The following GPD2 variants were observed in gnomAD, a reference collection of about 807,000 sequenced individuals.
The protein encoded by GPD2 is glycerol-3-phosphate dehydrogenase 2, also known as glycerol-3-phosphate dehydrogenase, mitochondrial.
In GPD2, 54 loss-of-function variants were observed where a neutral mutation model predicts 82.4. The ratio of observed to expected loss-of-function variants is 0.66; its 90% CI spans 0.53 to 0.82. GPD2 has a LOEUF of 0.82. Among genes scored for constraint, GPD2 ranks in the 40% least tolerant of loss-of-function variants. The pLI, the probability that GPD2 is intolerant of heterozygous loss-of-function variation, is 0.00. For missense variants in GPD2, 748 were observed against 896.2 expected (o/e 0.83, Z 2.11); for synonymous variants, 288 against 306.1 (o/e 0.94, Z 0.62).
At chr2:156,471,548 T>C (rs1365590301) in intron 1 of GPD2, among the ~76,000 whole-genome samples, 2 of 152,210 alleles carry the variant, frequency 1.3e-5, no homozygotes, top group Non-Finnish European at 2.9e-5. Flanking sequence ...GATAACTATT[T>C]GTATGCCTAG....
chr2:156,400,768 G>T, the GPD2 span, among the ~76,000 whole-genome samples: 1 of 152,198 alleles, frequency 6.6e-6, no homozygotes, highest in South Asian at 2.1e-4. Flanking sequence ...GCTTTCGGCT[G>T]GGGGATGTAG....
chr2:156,527,971 G>A (rs955880687), intron 6 of GPD2, among the ~76,000 whole-genome samples: 2 of 152,068 alleles, frequency 1.3e-5, no homozygotes, highest in African/African-American at 4.8e-5. Context: ...AATTCCCCGT[G>A]TGCAAAGCAT....
chr2:156,414,503 T>A, the GPD2 span, among the ~76,000 whole-genome samples: 1 of 152,216 alleles, frequency 6.6e-6, no homozygotes, highest in Non-Finnish European at 1.5e-5. Context: ...TATCTAAATG[T>A]GTTTTTGTAC....
At chr2:156,504,294 C>T (rs961156755) in intron 3 of GPD2, among the ~76,000 whole-genome samples, 4 of 151,966 alleles carry the variant, frequency 2.6e-5, no homozygotes, top group Non-Finnish European at 5.9e-5. Context: ...ATAAAATGTT[C>T]AGCCTTCGGG....
intron 6 of GPD2, among the ~76,000 whole-genome samples, chr2:156,516,019 AC>A (rs1465232592): frequency 6.6e-6 from 1 of 152,230 alleles, no homozygotes; most frequent in African/African-American, 2.4e-5. Flanking sequence ...TCCATGCTCA[AC>A]AAAAGGAATG....
chr2:156,412,828 G>A, the GPD2 span, among the ~76,000 whole-genome samples: 4 of 152,300 alleles, frequency 2.6e-5, no homozygotes, highest in Admixed American at 2.6e-4. Context: ...AGCAGTGAGT[G>A]GCTCATGCTT....
chr2:156,408,998 A>G, the GPD2 span, among the ~76,000 whole-genome samples: 2 of 152,210 alleles, frequency 1.3e-5, no homozygotes, highest in African/African-American at 4.8e-5. Flanking sequence ...TGAAAGGGAA[A>G]GGTTGGACAG....
intron 13 of GPD2, 93 bp from the exon 14 acceptor site, chr2:156,578,796 C>A: frequency 1.3e-6 from 1 of 789,258 alleles, no homozygotes; most frequent in Non-Finnish European, 2.3e-6. Context: ...AAGTAAGGAT[C>A]AACTTCATTT....
intron 3 of GPD2, among the ~76,000 whole-genome samples, chr2:156,502,434 T>C (rs1558931097): frequency 6.6e-6 from 1 of 152,084 alleles, no homozygotes; most frequent in African/African-American, 2.4e-5. Context: ...TTTTGTTTTG[T>C]TTTGTTTTTG....
At chr2:156,412,204 G>A in the GPD2 span, among the ~76,000 whole-genome samples, 1 of 152,178 alleles carries the variant, frequency 6.6e-6, no homozygotes, top group Non-Finnish European at 1.5e-5. Context: ...GGGAGGCTAA[G>A]GTGGGTGGAT....
intron 6 of GPD2, among the ~76,000 whole-genome samples, chr2:156,527,062 G>A (rs1399816652): frequency 6.6e-6 from 1 of 152,116 alleles, no homozygotes; most frequent in Non-Finnish European, 1.5e-5. Context: ...AAGGAAGAAA[G>A]AGAGTAAAAA....
chr2:156,520,680 G>A (rs563597293), intron 6 of GPD2, among the ~76,000 whole-genome samples: 144 of 151,924 alleles, frequency 9.5e-4, no homozygotes, highest in African/African-American at 3.2e-3. Flanking sequence ...CACCTCCCGG[G>A]CTCAAGCCAT....
rs141946771 is a variant in GPD2, at chr2:156,568,864, G to A, written c.1205G>A (p.Arg402His). Residue 402 changes from arginine (R) to histidine (H), a missense_variant, in exon 10 of 17, where the codon CGT becomes CAT. Arg to His is a conservative substitution (Grantham distance 29, BLOSUM62 0). This residue lies in a region of GPD2 where 692 missense variants were observed against 809.7 expected (regional missense o/e 0.85). Coordinates refer to ENST00000438166, the MANE Select transcript of GPD2 (RefSeq NM_000408.5). The stretch of plus-strand genomic sequence containing the variant: ...GTCCTGGCAGCATGGAGTGGAATCC[G>A]TCCTCTTGTTACAGACCCCAAATCT... ...GDVLAAWSGI[R>H]PLVTDPKSAD... The A allele has an allele frequency of 7.2e-5, 116 of 1,612,246 alleles. No individual in the cohort carries two copies. The highest frequency in any genetic ancestry group is 9.3e-5 in the Non-Finnish European group (110 of 1,178,650).
At chr2:156,430,444 GA>G (rs1688304702), upstream of GPD2, among the ~76,000 whole-genome samples, 1 of 152,188 alleles carries the variant, frequency 6.6e-6, no homozygotes, top group Non-Finnish European at 1.5e-5. Flanking sequence ...AACACCATAT[GA>G]ATGTTTGATA....
chr2:156,456,350 C>A (rs953673000), intron 1 of GPD2, among the ~76,000 whole-genome samples: 8 of 152,110 alleles, frequency 5.3e-5, no homozygotes, highest in Admixed American at 1.3e-4. Flanking sequence ...ACATCTATAA[C>A]CGTAGCACTT....
At chr2:156,543,567 A>G (rs1455049660) in intron 6 of GPD2, among the ~76,000 whole-genome samples, 2 of 152,240 alleles carry the variant, frequency 1.3e-5, no homozygotes, top group East Asian at 1.9e-4. Context: ...GCTGTAATAA[A>G]TGTATGTACA....
the GPD2 span, among the ~76,000 whole-genome samples, chr2:156,406,341 T>G: frequency 1.3e-5 from 2 of 152,170 alleles, no homozygotes; most frequent in Non-Finnish European, 2.9e-5. Context: ...CACTGCAAAA[T>G]CATCCTGCTC....
At chr2:156,462,244 T>C (rs1212587996) in intron 1 of GPD2, among the ~76,000 whole-genome samples, 1 of 152,168 alleles carries the variant, frequency 6.6e-6, no homozygotes, top group Non-Finnish European at 1.5e-5. Context: ...TTCTAAGGCC[T>C]GGACTCTGTG....
At chr2:156,490,941 TTATAATTTACAATTCTA>T (rs1684152100) in intron 2 of GPD2, among the ~76,000 whole-genome samples, 1 of 73,372 alleles carries the variant, frequency 1.4e-5, no homozygotes, top group Admixed American at 1.3e-4. Context: ...AATTTACCCT[TTATAATTTACAATTCTA>T]TGAGTTTTGA....
Sources: allele counts gnomAD v4.1 joint callset (sites outside exome capture counted in the v4.1 genomes callset), GRCh38; gene constraint gnomAD v4.1.1; regional missense constraint gnomAD v4.1.1; transcripts MANE v1.5; gene names NCBI Gene and HGNC (gene_info 2026-07-23, HGNC 2026-07-21).